AFG2A: variants seen among roughly 807,000 people sequenced by gnomAD.
The protein encoded by AFG2A is AAA ATPase AFG2A.
the AFG2A span, among the ~76,000 whole-genome samples, chr4:123,069,508 G>A: frequency 1.3e-5 from 2 of 151,958 alleles, no homozygotes; most frequent in African/African-American, 4.8e-5. Context: ...AGTGTAGGTA[G>A]AAAAAAACAG....
the AFG2A span, among the ~76,000 whole-genome samples, chr4:123,267,760 A>G: frequency 3.9e-5 from 6 of 152,024 alleles, no homozygotes; most frequent in Non-Finnish European, 8.8e-5. Flanking sequence ...TAACTTGTCT[A>G]TATTTTATGA....
the AFG2A span, among the ~76,000 whole-genome samples, chr4:122,960,633 G>C: frequency 6.6e-6 from 1 of 152,134 alleles, no homozygotes; most frequent in Non-Finnish European, 1.5e-5. Flanking sequence ...TAGCATAACA[G>C]AACAGGAAGA....
At chr4:123,252,096 C>A in the AFG2A span, among the ~76,000 whole-genome samples, 3 of 152,186 alleles carry the variant, frequency 2.0e-5, no homozygotes, top group East Asian at 1.9e-4. Context: ...ATTTTTATTA[C>A]CCATTAATAT....
At chr4:123,240,596 C>CACA in the AFG2A span, among the ~76,000 whole-genome samples, 2 of 152,166 alleles carry the variant, frequency 1.3e-5, no homozygotes, top group African/African-American at 4.8e-5. Context: ...AGAACAAAGA[C>CACA]ACAACGTACC....
the AFG2A span, among the ~76,000 whole-genome samples, chr4:123,259,353 A>G: frequency 3.2e-4 from 49 of 152,310 alleles, 1 homozygote; most frequent in South Asian, 0.01. Context: ...CAGAGAATTG[A>G]AACACTTTTG....
chr4:123,303,621 C>T, the AFG2A span, among the ~76,000 whole-genome samples: 9 of 151,808 alleles, frequency 5.9e-5, no homozygotes, highest in African/African-American at 2.2e-4. Context: ...AAAAGCCAGG[C>T]GTGGTGGCAT....
At chr4:123,233,862 CACATCTT>C in the AFG2A span, among the ~76,000 whole-genome samples, 1 of 151,968 alleles carries the variant, frequency 6.6e-6, no homozygotes, top group Admixed American at 6.6e-5. Flanking sequence ...CCAGCCCAGG[CACATCTT>C]ACTCAACAAT....
the AFG2A span, among the ~76,000 whole-genome samples, chr4:123,122,475 G>C: frequency 6.6e-6 from 1 of 152,094 alleles, no homozygotes; most frequent in Non-Finnish European, 1.5e-5. Context: ...ATTGAATACT[G>C]TACTGAAAGT....
the AFG2A span, among the ~76,000 whole-genome samples, chr4:123,002,950 T>C: frequency 6.6e-5 from 10 of 152,306 alleles, no homozygotes; most frequent in East Asian, 1.9e-4. Flanking sequence ...ACCAATCAGA[T>C]GCAGATTTGG....
At chr4:122,994,778 G>C in the AFG2A span, among the ~76,000 whole-genome samples, 4 of 151,322 alleles carry the variant, frequency 2.6e-5, no homozygotes, top group Non-Finnish European at 5.9e-5. Flanking sequence ...AGTAAACTCC[G>C]ATCCAGGTTA....
At chr4:123,289,547 A>T in the AFG2A span, among the ~76,000 whole-genome samples, 1 of 152,196 alleles carries the variant, frequency 6.6e-6, no homozygotes, top group Non-Finnish European at 1.5e-5. Flanking sequence ...GGATTGAAGG[A>T]TCAAATGGTA....
At chr4:123,158,469 G>A in the AFG2A span, among the ~76,000 whole-genome samples, 1 of 152,270 alleles carries the variant, frequency 6.6e-6, no homozygotes, top group South Asian at 2.1e-4. Flanking sequence ...ACTAAGCTAT[G>A]TATTAATTTA....
At chr4:123,026,712 T>C in the AFG2A span, among the ~76,000 whole-genome samples, 1 of 152,222 alleles carries the variant, frequency 6.6e-6, no homozygotes, top group Non-Finnish European at 1.5e-5. Context: ...TTTATATTTA[T>C]GGTGGAGTAT....
the AFG2A span, chr4:123,256,278 C>T: frequency 1.1e-5 from 15 of 1,361,462 alleles, no homozygotes; most frequent in Non-Finnish European, 1.5e-5. Flanking sequence ...TTTTAAATGA[C>T]CATACTAAGA....
At chr4:122,938,881 C>T in the AFG2A span, among the ~76,000 whole-genome samples, 527 of 152,046 alleles carry the variant, frequency 3.5e-3, 2 homozygotes, top group Middle Eastern at 0.017. Context: ...AGGTGTGAGC[C>T]GCTACATCTG....
chr4:123,067,698 A>T, the AFG2A span, among the ~76,000 whole-genome samples: 15 of 152,294 alleles, frequency 9.8e-5, no homozygotes, highest in African/African-American at 3.6e-4. Context: ...TAGGAAATTC[A>T]TGTATTCTGT....
At chr4:123,042,298 T>C in the AFG2A span, among the ~76,000 whole-genome samples, 2 of 152,116 alleles carry the variant, frequency 1.3e-5, no homozygotes, top group East Asian at 3.9e-4. Flanking sequence ...TTGGCTTTCA[T>C]GTGGTCATCT....
chr4:122,940,343 A>G, the AFG2A span, among the ~76,000 whole-genome samples: 6 of 152,124 alleles, frequency 3.9e-5, no homozygotes, highest in African/African-American at 1.4e-4. Context: ...GTGAGATGGT[A>G]TCTCATTGTG....
At chr4:123,097,737 AAG>A in the AFG2A span, among the ~76,000 whole-genome samples, 1 of 152,102 alleles carries the variant, frequency 6.6e-6, no homozygotes. Context: ...GAGATCAGAG[AAG>A]AGAGACTGGT....
Sources: allele counts gnomAD v4.1 joint callset (sites outside exome capture counted in the v4.1 genomes callset), GRCh38; gene constraint gnomAD v4.1.1; transcripts MANE v1.5; gene names NCBI Gene and HGNC (gene_info 2026-07-23, HGNC 2026-07-21).